Variants in PDE1C observed in about 807,000 individuals in gnomAD.
The protein encoded by PDE1C is phosphodiesterase 1C.
PDE1C carries 62 observed loss-of-function variants against 93.1 expected under a neutral mutation model. The observed-to-expected ratio is 0.67, with a 90% CI of 0.54 to 0.82. The LOEUF (loss-of-function observed/expected upper bound fraction) is 0.82, where lower values mean the gene tolerates loss of function less well. Ranked by LOEUF, PDE1C falls within the 40% of genes least tolerant of loss-of-function variation. The pLI, the probability that PDE1C is intolerant of heterozygous loss-of-function variation, is 0.00. For synonymous variants in PDE1C, 325 were observed against 310.1 expected, an observed-to-expected ratio of 1.05 and a Z score of -0.50; for missense variants, 742 against 884.6, an observed-to-expected ratio of 0.84 and a Z score of 2.04.
chr7:31,936,575 CATG>C (rs1043306953), intron 2 of PDE1C, among the ~76,000 whole-genome samples: 2 of 152,094 alleles, frequency 1.3e-5, no homozygotes, highest in African/African-American at 4.8e-5. Context: ...ACCTTATGAA[CATG>C]ATGATATCAA....
At chr7:31,720,489 G>A in the PDE1C span, among the ~76,000 whole-genome samples, 439 of 152,270 alleles carry the variant, frequency 2.9e-3, 2 homozygotes, top group African/African-American at 0.01. Context: ...GTAATGTATG[G>A]GTTTTAATAT....
At chr7:31,623,465 A>C in the PDE1C span, among the ~76,000 whole-genome samples, 3 of 151,916 alleles carry the variant, frequency 2.0e-5, no homozygotes, top group Non-Finnish European at 4.4e-5. Flanking sequence ...CAAATCAATA[A>C]ATGTAATCAA....
intron 9 of PDE1C, among the ~76,000 whole-genome samples, chr7:31,839,308 ATAT>A (rs544586963): frequency 2.2e-4 from 33 of 151,124 alleles, no homozygotes; most frequent in African/African-American, 7.3e-4. Flanking sequence ...ATATACACAC[ATAT>A]TATTTTAAAA....
chr7:32,283,269 A>C (rs1253291605), intron 1 of PDE1C, among the ~76,000 whole-genome samples: 1 of 152,234 alleles, frequency 6.6e-6, no homozygotes, highest in Middle Eastern at 3.2e-3. Context: ...TGGGAAAAAT[A>C]AACTACAATA....
At chr7:31,870,667 C>A (rs140955543) in intron 6 of PDE1C, among the ~76,000 whole-genome samples, 95 of 152,044 alleles carry the variant, frequency 6.2e-4, no homozygotes, top group African/African-American at 2.1e-3. Context: ...CAAATTCCTC[C>A]AAACTTTCAA....
intron 11 of PDE1C, among the ~76,000 whole-genome samples, chr7:31,830,243 A>G (rs1475470425): frequency 2.0e-5 from 3 of 152,158 alleles, no homozygotes; most frequent in Non-Finnish European, 4.4e-5. Context: ...ATAAACTTCT[A>G]CTCATGAGTC....
At chr7:31,700,248 A>T in the PDE1C span, among the ~76,000 whole-genome samples, 1 of 152,246 alleles carries the variant, frequency 6.6e-6, no homozygotes, top group African/African-American at 2.4e-5. Context: ...CAGTGAACAC[A>T]GGAATGATAT....
At chr7:31,746,525 G>A (rs561901611), downstream of PDE1C, among the ~76,000 whole-genome samples, 1 of 152,184 alleles carries the variant, frequency 6.6e-6, no homozygotes, top group Non-Finnish European at 1.5e-5. Flanking sequence ...AAAGTTCAAG[G>A]GGAATGGGCC....
chr7:32,177,111 A>T (rs1346968208), intron 2 of PDE1C, among the ~76,000 whole-genome samples: 2 of 152,278 alleles, frequency 1.3e-5, no homozygotes, highest in Non-Finnish European at 2.9e-5. Flanking sequence ...AGAAAGACGA[A>T]CAAAGAACAC....
At chr7:31,978,282 G>C (rs747585368) in intron 2 of PDE1C, among the ~76,000 whole-genome samples, 2 of 152,170 alleles carry the variant, frequency 1.3e-5, no homozygotes, top group Non-Finnish European at 2.9e-5. Flanking sequence ...TGTCAACTGA[G>C]TCTCACAAAA....
At chr7:31,692,303 G>C in the PDE1C span, 3 of 655,350 alleles carry the variant, frequency 4.6e-6, no homozygotes, top group Non-Finnish European at 7.6e-6. Context: ...GATTGGATTG[G>C]GAACACAATA....
chr7:31,942,010 A>G (rs1295711700), intron 2 of PDE1C, among the ~76,000 whole-genome samples: 1 of 152,220 alleles, frequency 6.6e-6, no homozygotes, highest in Non-Finnish European at 1.5e-5. Context: ...TAACAACACC[A>G]TAAATGAGAT....
chr7:31,869,256 A>T (rs1173421937), intron 6 of PDE1C, among the ~76,000 whole-genome samples: 1 of 152,108 alleles, frequency 6.6e-6, no homozygotes, highest in Non-Finnish European at 1.5e-5. Context: ...GACTGGAATA[A>T]GTCCTCACAT....
chr7:31,745,124 A>G, the PDE1C span, among the ~76,000 whole-genome samples: 1 of 152,204 alleles, frequency 6.6e-6, no homozygotes, highest in Non-Finnish European at 1.5e-5. Context: ...CTCTTCATCT[A>G]TGGATGCTAA....
the PDE1C span, among the ~76,000 whole-genome samples, chr7:31,723,280 T>G: frequency 1.3e-5 from 2 of 152,220 alleles, no homozygotes; most frequent in Non-Finnish European, 2.9e-5. Context: ...TTGGTTGGTT[T>G]GTCCTCCTCA....
At chr7:32,299,028 G>T in exon 1 of PDE1C, 1 of 1,203,154 alleles carries the variant, frequency 8.3e-7, no homozygotes, top group East Asian at 4.4e-5. Context: ...GAGGACGCGC[G>T]CCCGAGCGCG....
chr7:32,322,627 T>C (rs950511200), intron 1 of PDE1C, among the ~76,000 whole-genome samples: 1 of 151,518 alleles, frequency 6.6e-6, no homozygotes, highest in African/African-American at 2.4e-5. Context: ...TTTCTTTTTT[T>C]TTTTTTTGAG....
downstream of PDE1C, among the ~76,000 whole-genome samples, chr7:31,751,018 G>T (rs890832058): frequency 1.4e-4 from 22 of 152,156 alleles, no homozygotes; most frequent in African/African-American, 5.3e-4. Flanking sequence ...GGAGAAAAAG[G>T]TTAAAAAATG....
the PDE1C span, among the ~76,000 whole-genome samples, chr7:31,689,294 A>G: frequency 6.6e-6 from 1 of 152,296 alleles, no homozygotes; most frequent in South Asian, 2.1e-4. Context: ...AACACCCCCA[A>G]ATGTGAAGTA....
Sources: allele counts gnomAD v4.1 joint callset (sites outside exome capture counted in the v4.1 genomes callset), GRCh38; gene constraint gnomAD v4.1.1; transcripts MANE v1.5; gene names NCBI Gene and HGNC (gene_info 2026-07-23, HGNC 2026-07-21).